The following PSMG2 variants were observed in gnomAD, a reference collection of about 807,000 sequenced individuals.
PSMG2 encodes CD40 ligand-activated specific transcript 3.
In PSMG2, 21 loss-of-function variants were observed where a neutral mutation model predicts 31.5. The observed-to-expected ratio is 0.67, with a 90% CI of 0.47 to 0.96. The LOEUF is 0.96. Among genes scored for constraint, PSMG2 ranks in the 40% least tolerant of loss-of-function variants. The probability of loss-of-function intolerance (pLI) is 0.00; values close to 1 mark genes in which losing one functional copy is unlikely to be tolerated. For synonymous variants in PSMG2, 120 were observed against 110.4 expected (o/e 1.09, Z -0.54); for missense variants, 318 against 321.2 (o/e 0.99, Z 0.08).
intron 1 of PSMG2, among the ~76,000 whole-genome samples, chr18:12,690,968 G>A (rs2039738832): frequency 6.6e-6 from 1 of 151,280 alleles, no homozygotes; most frequent in Non-Finnish European, 1.5e-5. Flanking sequence ...ACAAGAGCTG[G>A]ATTTACATAT....
At chr18:12,712,808 A>G in intron 3 of PSMG2, 48 bp downstream of exon 3, 3 of 1,419,186 alleles carry the variant, frequency 2.1e-6, no homozygotes, top group Non-Finnish European at 3.0e-6. Flanking sequence ...TGTAATGAGA[A>G]AATAAGTAAC....
At chr18:12,716,796 C>CTAT (rs2040380851) in intron 3 of PSMG2, among the ~76,000 whole-genome samples, 1 of 151,944 alleles carries the variant, frequency 6.6e-6, no homozygotes, top group Non-Finnish European at 1.5e-5. Flanking sequence ...CATGACAAAC[C>CTAT]TATAAGACAG....
At chr18:12,663,729 T>A (rs2038746807) in intron 1 of PSMG2, among the ~76,000 whole-genome samples, 1 of 152,142 alleles carries the variant, frequency 6.6e-6, no homozygotes, top group African/African-American at 2.4e-5. Flanking sequence ...TGCAAAAATG[T>A]TTTTTCAAGC....
chr18:12,662,791 CA>C (rs2038722295), intron 1 of PSMG2, among the ~76,000 whole-genome samples: 2 of 152,028 alleles, frequency 1.3e-5, no homozygotes, highest in African/African-American at 4.8e-5. Context: ...AAAAGAAAAA[CA>C]TTTTTTTTGA....
rs185806634 is a variant in PSMG2 at position 12,674,757 on chromosome 18, T to C, written c.-37+15984T>C. The C allele has an allele frequency of 4.0e-5, 63 of 1,590,068 alleles. No individual in the cohort carries two copies. The African/African-American group carries it at 7.4e-4, about 19-fold the overall frequency. ...AAACAGTAGTGAGGCCAAGATCCTATGAGCAATCAAGAGAAAAAGAAAAAG... is the reference window on the plus strand; with the variant it reads ...AAACAGTAGTGAGGCCAAGATCCTACGAGCAATCAAGAGAAAAAGAAAAAG... On this transcript the variant is annotated intron_variant, in intron 1 of 6. Coordinates refer to the PSMG2 transcript ENST00000585331.
At chr18:12,669,139 G>C (rs1232893206) in intron 1 of PSMG2, among the ~76,000 whole-genome samples, 1 of 134,358 alleles carries the variant, frequency 7.4e-6, no homozygotes, top group Non-Finnish European at 1.6e-5. Context: ...TTTTGAGACA[G>C]AGTTTCACTG....
intron 5 of PSMG2, among the ~76,000 whole-genome samples, chr18:12,722,985 G>T (rs1449709455): frequency 1.3e-5 from 2 of 152,226 alleles, no homozygotes; most frequent in Admixed American, 6.5e-5. Flanking sequence ...GCTCATAGTG[G>T]TTCCATACAA....
chr18:12,674,803 A>T lies in PSMG2; in HGVS notation c.-37+16030A>T, dbSNP rs1396591086. On this transcript the variant is annotated intron_variant, in intron 1 of 6. Transcript: ENST00000585331. ...AAAAGTGAAATACATTAATATTTTT[A>T]AAACCAACTAAATAAAAATGTTGAT... 3.5e-6 allele frequency: 4 copies of T among 1,147,724 alleles called. No individual in the cohort carries two copies. The Admixed American group carries it at 9.8e-5, about 28-fold the overall frequency. 71.1% of individuals were successfully genotyped at this position (1,147,724 alleles called of 1,614,324 possible).
intron 1 of PSMG2, among the ~76,000 whole-genome samples, chr18:12,681,711 GAAC>G (rs199996814): frequency 0.018 from 2,782 of 152,120 alleles, 93 homozygotes; most frequent in African/African-American, 0.062. Context: ...TGACTGGCAA[GAAC>G]AACAACAAAA....
At chr18:12,697,113 A>G in intron 1 of PSMG2, 1 of 780,450 alleles carries the variant, frequency 1.3e-6, no homozygotes. Context: ...ACGAAATTCT[A>G]TTTTACAGGT....
chr18:12,668,863 C>G (rs1022269554), intron 1 of PSMG2, among the ~76,000 whole-genome samples: 25 of 149,206 alleles, frequency 1.7e-4, no homozygotes, highest in Non-Finnish European at 1.3e-4. Flanking sequence ...GCCTCAGCCT[C>G]CCAAGTAGCT....
At chr18:12,669,979 A>C (rs1057445138) in intron 1 of PSMG2, among the ~76,000 whole-genome samples, 7 of 125,950 alleles carry the variant, frequency 5.6e-5, no homozygotes, top group African/African-American at 2.1e-4. Context: ...CCTGGGCAAC[A>C]AGAGCCAAAC....
chr18:12,685,186 G>C (rs1456605653), intron 1 of PSMG2: 1 of 151,948 alleles, frequency 6.6e-6, no homozygotes, highest in African/African-American at 2.4e-5. Flanking sequence ...TTTTAGTGGA[G>C]ACGGAGTTTC....
At chr18:12,685,637 AT>A (rs34426047) in intron 1 of PSMG2, 54,746 of 145,662 alleles carry the variant, frequency 0.38, 10,240 homozygotes, top group Non-Finnish European at 0.43. Context: ...ATAAAATAGT[AT>A]TTTTTTTTTT....
At chr18:12,692,899 T>C (rs577580464) in intron 1 of PSMG2, among the ~76,000 whole-genome samples, 1 of 152,348 alleles carries the variant, frequency 6.6e-6, no homozygotes, top group African/African-American at 2.4e-5. Context: ...CATGGCTCAC[T>C]GTAGCCTCGA....
At chr18:12,720,816 C>A (rs1598687967) in intron 5 of PSMG2, 133 bp downstream of exon 5, 19 of 854,492 alleles carry the variant, frequency 2.2e-5, no homozygotes, top group South Asian at 2.0e-4. Context: ...AAAACAACAA[C>A]AAAAAAAACA....
intron 1 of PSMG2, among the ~76,000 whole-genome samples, chr18:12,697,918 A>T (rs1598663384): frequency 1.3e-5 from 2 of 152,184 alleles, no homozygotes; most frequent in East Asian, 3.8e-4. Flanking sequence ...GTCATCTTTA[A>T]ATCTAAAATT....
chr18:12,693,034 G>A (rs781267143), intron 1 of PSMG2, among the ~76,000 whole-genome samples: 1 of 152,076 alleles, frequency 6.6e-6, no homozygotes, highest in Non-Finnish European at 1.5e-5. Context: ...ATGTTGCCCA[G>A]GCTGGTCTTG....
chr18:12,702,805 A>G, upstream of PSMG2: 1 of 560,830 alleles, frequency 1.8e-6, no homozygotes, highest in Non-Finnish European at 3.1e-6. Flanking sequence ...ACGCTGCCTG[A>G]TCGTTTCCGC....
Sources: allele counts gnomAD v4.1 joint callset (sites outside exome capture counted in the v4.1 genomes callset), GRCh38; gene constraint gnomAD v4.1.1; transcripts MANE v1.5; gene names NCBI Gene and HGNC (gene_info 2026-07-23, HGNC 2026-07-21).